CCDC63: variants seen among roughly 807,000 people sequenced by gnomAD.
CCDC63 encodes coiled-coil domain-containing protein 63.
A neutral mutation model predicts 63.6 loss-of-function variants in CCDC63; 54 were observed. That is an observed-to-expected ratio of 0.85 (90% CI 0.68 to 1.07). The LOEUF (loss-of-function observed/expected upper bound fraction) is 1.07, where lower values mean the gene tolerates loss of function less well. CCDC63 is among the 50% of genes least tolerant of loss of function. The pLI is 0.00. For synonymous variants in CCDC63, 253 were observed against 266.1 expected (o/e 0.95, Z 0.48); for missense variants, 637 against 689.6 (o/e 0.92, Z 0.86).
At chr12:110,906,733 G>A (rs1332550567) in intron 11 of CCDC63, among the ~76,000 whole-genome samples, 1 of 152,108 alleles carries the variant, frequency 6.6e-6, no homozygotes, top group Non-Finnish European at 1.5e-5. Flanking sequence ...AGGAGTGAAA[G>A]CTAGGTCAGA....
chr12:110,849,878 A>G (rs1006100264), intron 1 of CCDC63, among the ~76,000 whole-genome samples: 5 of 152,164 alleles, frequency 3.3e-5, no homozygotes, highest in African/African-American at 1.2e-4. Flanking sequence ...TCACATGTCT[A>G]TCATTAGACC....
intron 4 of CCDC63, among the ~76,000 whole-genome samples, chr12:110,863,543 T>C (rs1446617659): frequency 1.1e-5 from 1 of 88,538 alleles, no homozygotes; most frequent in Non-Finnish European, 2.5e-5. Context: ...TCCCAGGGAT[T>C]TTTTTTTTTT....
At chr12:110,856,039 C>A in intron 3 of CCDC63, among the ~76,000 whole-genome samples, 1 of 152,144 alleles carries the variant, frequency 6.6e-6, no homozygotes, top group South Asian at 2.1e-4. Context: ...GACAGACACA[C>A]CTTCCTTTTG....
rs1426030923 is a variant in CCDC63, at chr12:110,907,361, G to A, written c.1577G>A (p.Arg526Gln). 1.5e-5 allele frequency: 24 copies of A among 1,613,842 alleles called. No individual in the cohort carries two copies. Among genetic ancestry groups the A allele is most frequent in the African/African-American group, 2.7e-5 (2 of 74,886 alleles). ...CAGCCCCTGGACCACAGCAGCCTTCGGCAGCTGGTTCTCGACAATTATATC... is the reference window on the plus strand; with the variant it reads ...CAGCCCCTGGACCACAGCAGCCTTCAGCAGCTGGTTCTCGACAATTATATC... ...VEQPLDHSSLRQLVLDNYILK... is the reference protein window; with the variant it reads ...VEQPLDHSSLQQLVLDNYILK... Residue 526 changes from arginine (R) to glutamine (Q), a missense_variant, in exon 12 of 12, where the codon CGG becomes CAG. Arg to Gln is a conservative substitution (Grantham distance 43, BLOSUM62 1). Coordinates refer to ENST00000308208, the MANE Select transcript of CCDC63 (RefSeq NM_152591.3). This position sits in a 1 kb window ranked among gnomAD's most constrained non-coding sequence, Gnocchi z 4.4.
At chr12:110,885,492 C>T (rs914703024) in intron 8 of CCDC63, among the ~76,000 whole-genome samples, 1 of 152,182 alleles carries the variant, frequency 6.6e-6, no homozygotes, top group African/African-American at 2.4e-5. Flanking sequence ...GACATTCCAG[C>T]CCCTTCAAAA....
intron 10 of CCDC63, among the ~76,000 whole-genome samples, chr12:110,903,073 C>G (rs1672736196): frequency 6.6e-6 from 1 of 152,052 alleles, no homozygotes; most frequent in South Asian, 2.1e-4. Flanking sequence ...GATGGGGTTT[C>G]ACCATGTTGG....
intron 4 of CCDC63, among the ~76,000 whole-genome samples, chr12:110,859,863 C>G (rs546414571): frequency 6.6e-6 from 1 of 152,146 alleles, no homozygotes; most frequent in African/African-American, 2.4e-5. Context: ...CCCCTGCCTA[C>G]CCCTTGGCCC....
chr12:110,863,729 T>A (rs2070896917), intron 4 of CCDC63, among the ~76,000 whole-genome samples: 1 of 152,058 alleles, frequency 6.6e-6, no homozygotes, highest in African/African-American at 2.4e-5. Context: ...TTAGTAGAGA[T>A]GGGGTTTCAC....
intron 10 of CCDC63, among the ~76,000 whole-genome samples, chr12:110,900,825 C>T (rs2071476949): frequency 6.6e-6 from 1 of 152,128 alleles, no homozygotes; most frequent in African/African-American, 2.4e-5. Flanking sequence ...GTCTCGATCT[C>T]CTGACCTCGT....
chr12:110,906,048 AAT>A (rs199743269), intron 11 of CCDC63, among the ~76,000 whole-genome samples: 6 of 75,552 alleles, frequency 7.9e-5, no homozygotes, highest in South Asian at 3.4e-4. Context: ...TATAATATAT[AAT>A]ATATATATAA....
At chr12:110,864,423 T>TA (rs35404744) in intron 4 of CCDC63, among the ~76,000 whole-genome samples, 3,962 of 124,638 alleles carry the variant, frequency 0.032, 176 homozygotes, top group African/African-American at 0.1. Flanking sequence ...GACCCTGTCT[T>TA]AAAAAAAAAA....
chr12:110,858,224 C>T (rs1412522431), intron 3 of CCDC63, among the ~76,000 whole-genome samples: 3 of 151,922 alleles, frequency 2.0e-5, no homozygotes, highest in Non-Finnish European at 2.9e-5. Flanking sequence ...AGATAATTGG[C>T]GGTAAAGTCT....
upstream of CCDC63, among the ~76,000 whole-genome samples, chr12:110,846,545 A>G (rs934207119): frequency 6.6e-6 from 1 of 151,522 alleles, no homozygotes; most frequent in African/African-American, 2.4e-5. Flanking sequence ...TTTTTTTTTA[A>G]TTTATTTTTA....
At chr12:110,858,924 T>C in intron 4 of CCDC63, 149 bp downstream of exon 4, 1 of 645,422 alleles carries the variant, frequency 1.5e-6, no homozygotes. Flanking sequence ...GCTGCTATCG[T>C]CTCGCTACCC....
intron 10 of CCDC63, among the ~76,000 whole-genome samples, chr12:110,903,298 C>T (rs994041347): frequency 2.0e-5 from 3 of 152,126 alleles, no homozygotes; most frequent in South Asian, 2.1e-4. Context: ...CCATTGTGCC[C>T]GGCCTGGATG....
intron 3 of CCDC63, among the ~76,000 whole-genome samples, chr12:110,854,293 C>CT (rs34749124): frequency 0.05 from 5,054 of 101,478 alleles, 290 homozygotes; most frequent in African/African-American, 0.11. Flanking sequence ...TTTCTTTTCT[C>CT]TTTTTTTTTT....
At chr12:110,893,730 C>T (rs1456494004) in intron 9 of CCDC63, among the ~76,000 whole-genome samples, 3 of 152,122 alleles carry the variant, frequency 2.0e-5, no homozygotes, top group Admixed American at 6.6e-5. Flanking sequence ...GAGCTTTATT[C>T]AGCTGCTAAT....
At chr12:110,888,851 T>TTCCTTCCTTCCTTCCC (rs1260326953) in intron 8 of CCDC63, among the ~76,000 whole-genome samples, 21 of 80,572 alleles carry the variant, frequency 2.6e-4, no homozygotes, top group South Asian at 7.7e-4. Context: ...CCTTCCTTCC[T>TTCCTTCCTTCCTTCCC]TCCTTCCTTC....
chr12:110,849,422 A>T (rs1166005409), intron 1 of CCDC63, among the ~76,000 whole-genome samples: 3 of 151,748 alleles, frequency 2.0e-5, no homozygotes, highest in Non-Finnish European at 4.4e-5. Context: ...GAGGGTTGCC[A>T]CTGAACCATC....
Sources: gnomAD v4.1 joint callset for allele counts (sites outside exome capture counted in the v4.1 genomes callset) on GRCh38, gnomAD v4.1.1 for gene constraint, Gnocchi (gnomAD v3.1) non-coding constraint, MANE v1.5 for transcripts, NCBI Gene and HGNC (gene_info 2026-07-23, HGNC 2026-07-21) for gene names.